The following PCDH1 variants were observed in gnomAD, a reference collection of about 807,000 sequenced individuals.
The protein encoded by PCDH1 is protocadherin-1.
In PCDH1, 23 loss-of-function variants were observed where a neutral mutation model predicts 74.6. The ratio of observed to expected loss-of-function variants is 0.31; its 90% CI spans 0.22 to 0.44. PCDH1 has a LOEUF of 0.44. Among genes scored for constraint, PCDH1 ranks in the 20% least tolerant of loss-of-function variants. The pLI is 1.00. For synonymous variants in PCDH1, 647 were observed against 686.1 expected (o/e 0.94, Z 0.89); for missense variants, 1,214 against 1,641.4 (o/e 0.74, Z 4.50).
intron 1 of PCDH1, among the ~76,000 whole-genome samples, chr5:141,877,588 C>T (rs1240432342): frequency 6.6e-6 from 1 of 152,166 alleles, no homozygotes; most frequent in Admixed American, 6.5e-5. Flanking sequence ...TGTTATTGCT[C>T]TGTAAAGCCA....
Position 141,869,364 on chromosome 5 carries a change from C to A in PCDH1, c.108G>T (p.Arg36=). Residue 36 remains arginine, a synonymous_variant, in exon 2 of 5, where the codon CGG becomes CGT. Coordinates refer to ENST00000287008, the MANE Select transcript of PCDH1 (RefSeq NM_032420.5). This position sits in a 1 kb window ranked among gnomAD's most constrained non-coding sequence, Gnocchi z 4.9. ...CTAGCAGCATGGAGGGCAGCAGTAG[C>A]CGTTGCCCCCCAGGGCCTGGGCTGT... The part of the protein sequence containing the change: ...LRHSPGPGGQ[R]LLLPSMLLAL... 2.5e-6 allele frequency: 4 copies of A among 1,596,584 alleles called. No individual in the cohort carries two copies. The highest frequency in any genetic ancestry group is 3.4e-6 in the Non-Finnish European group (4 of 1,175,068).
At position 141,853,972 on chromosome 5, in the gene PCDH1, G is replaced by T; in HGVS notation, c.*70C>A. 1 of 1,351,042 alleles carries T rather than the reference G, an allele frequency of 7.4e-7. No homozygotes were observed. The highest frequency in any genetic ancestry group is 9.9e-7 in the Non-Finnish European group (1 of 1,010,764). The allele number at this position is 1,351,042 out of a possible 1,614,324, so 83.7% of individuals were successfully genotyped here. ...TCCACGCTGAAGGGGTGGAGAGTGAGGCCCTGGAATGGGCCATTTGGGAGC... is the reference window on the plus strand; with the variant it reads ...TCCACGCTGAAGGGGTGGAGAGTGATGCCCTGGAATGGGCCATTTGGGAGC... On this transcript the variant is annotated 3_prime_UTR_variant, in exon 5 of 5. Coordinates refer to ENST00000287008, the MANE Select transcript of PCDH1 (RefSeq NM_032420.5).
Position 141,857,271 on chromosome 5 carries a change from C to T in PCDH1, c.3300G>A (p.Glu1100=). 1 of 1,588,826 alleles carries T rather than the reference C, an allele frequency of 6.3e-7. No homozygotes were observed. The change falls in exon 4 of 5, where the codon GAG becomes GAA. Residue 1100 remains glutamate, a synonymous_variant. Transcript: ENST00000287008. The part of the protein sequence containing the change: ...ERTTPDGSIG[E]MEHPENDLRP... ...CCTCACCATTCTCGGGGTGCTCCAT[C>T]TCTCCTATGCTGCCATCAGGGGTGG...
chr5:141,870,433 T>A (rs1221178944), intron 1 of PCDH1, among the ~76,000 whole-genome samples: 1 of 152,190 alleles, frequency 6.6e-6, no homozygotes, highest in East Asian at 1.9e-4. Context: ...GGAATTGGCA[T>A]TGGGAGCTGC....
At chr5:141,857,154 T>C in intron 4 of PCDH1, 98 bp downstream of exon 4, 1 of 997,150 alleles carries the variant, frequency 1.0e-6, no homozygotes. Context: ...ACTGAGCACA[T>C]AATAACTCAA....
Position 141,864,617 on chromosome 5 carries a change from G to T in PCDH1, c.1714C>A (p.Arg572=). ...AACTCATAGCTCTCCCGCTGTTCCC[G>T]ATCCAGAGATGTCTTCACCTGGATC... ...GEIQVKTSLD[R]EQRESYELKV... is the part of the protein sequence containing the mutation. Residue 572 remains arginine, a synonymous_variant, in exon 3 of 5, where the codon CGG becomes AGG. Coordinates refer to ENST00000287008, the MANE Select transcript of PCDH1 (RefSeq NM_032420.5). This position sits in a 1 kb window ranked among gnomAD's most constrained non-coding sequence, Gnocchi z 5.9. 6.2e-7 allele frequency: 1 copy of T among 1,613,454 alleles called. No homozygotes were observed. Among genetic ancestry groups the T allele is most frequent in the Non-Finnish European group, 8.5e-7 (1 of 1,180,028 alleles).
At chr5:141,874,243 G>A (rs1272768844) in intron 1 of PCDH1, among the ~76,000 whole-genome samples, 1 of 152,194 alleles carries the variant, frequency 6.6e-6, no homozygotes, top group Non-Finnish European at 1.5e-5. Flanking sequence ...GAGCCAGGGT[G>A]GCCTGGAAGG....
chr5:141,877,271 G>T (rs1411632458), intron 1 of PCDH1, among the ~76,000 whole-genome samples: 7 of 152,222 alleles, frequency 4.6e-5, no homozygotes, highest in African/African-American at 1.7e-4. Context: ...TTCTGTGTTT[G>T]TGACCGTGAG....
intron 1 of PCDH1, among the ~76,000 whole-genome samples, chr5:141,870,051 A>C (rs2126829043): frequency 6.6e-6 from 1 of 152,332 alleles, no homozygotes; most frequent in East Asian, 1.9e-4. Flanking sequence ...TGAGATGCCA[A>C]GTCAGTGCAT....
In PCDH1 at chr5:141,854,197, G is replaced by T; in HGVS notation, c.3559C>A (p.Leu1187Ile). 1.9e-6 allele frequency: 3 copies of T among 1,610,184 alleles called. No individual in the cohort carries two copies. Among genetic ancestry groups the T allele is most frequent in the African/African-American group, 2.7e-5 (2 of 74,968 alleles). Reference protein sequence around the residue: ...DRNTKTAPVRLLPSYSAFSHS... With the variant: ...DRNTKTAPVRILPSYSAFSHS... The stretch of plus-strand genomic sequence containing the variant: ...GAGAAGGCACTGTAGGAGGGCAGGA[G>T]GCGCACGGGGGCCGTTTTGGTGTTC... The change falls in exon 5 of 5, where the codon CTC (leucine) becomes ATC (isoleucine). Residue 1187 changes from leucine (L) to isoleucine (I), a missense_variant. This residue lies in a region of PCDH1 where 194 missense variants were observed against 198.3 expected (regional missense o/e 0.98). Transcript: ENST00000287008.
At chr5:141,872,618 A>G (rs1273785251) in intron 1 of PCDH1, among the ~76,000 whole-genome samples, 1 of 152,120 alleles carries the variant, frequency 6.6e-6, no homozygotes, top group African/African-American at 2.4e-5. Flanking sequence ...GGCTTCCTCC[A>G]TCTCACAGTC....
At chr5:141,854,572 G>GCA in intron 4 of PCDH1, 136 bp from the exon 5 acceptor site, 1 of 841,950 alleles carries the variant, frequency 1.2e-6, no homozygotes, top group Non-Finnish European at 1.8e-6. Flanking sequence ...GAACTCACAG[G>GCA]CACACACACC....
chr5:141,854,454 G>T lies in PCDH1; in HGVS notation c.3320-18C>A. ...GCGAAGGTCTGTAGGAGGGAGCGGG[G>T]AAGGACAATTGTCAGACATACAGCC... On this transcript the variant is annotated intron_variant, in intron 4 of 4. Transcript: ENST00000287008. 6.3e-7 allele frequency: 1 copy of T among 1,581,684 alleles called. No homozygotes were observed. The highest frequency in any genetic ancestry group is 1.2e-5 in the South Asian group (1 of 85,168).
intron 1 of PCDH1, among the ~76,000 whole-genome samples, chr5:141,870,014 G>T (rs1753048474): frequency 2.0e-5 from 3 of 152,140 alleles, no homozygotes; most frequent in African/African-American, 7.2e-5. Flanking sequence ...GGAGGGAGAG[G>T]GGATGATGTC....
At chr5:141,855,987 A>G (rs1752321592) in intron 4 of PCDH1, among the ~76,000 whole-genome samples, 1 of 148,540 alleles carries the variant, frequency 6.7e-6, no homozygotes, top group Admixed American at 6.7e-5. Flanking sequence ...ATGGCTAAGC[A>G]ACACTGCCTG....
In PCDH1 at chr5:141,868,109, C is replaced by T. The variant is rs1227063636; in HGVS notation, c.903+460G>A. 6.6e-6 allele frequency among the ~76,000 whole-genome samples: 1 copy of T among 152,222 alleles called. No individual in the cohort carries two copies. Among genetic ancestry groups the T allele is most frequent in the African/African-American group, 2.4e-5 (1 of 41,464 alleles). ...CTCATCTGACTTTGTCAGGAAGAGG[C>T]AAAATGAGGCTATATCCTCCAGCTT... On this transcript the variant is annotated intron_variant, in intron 2 of 4. Coordinates refer to ENST00000287008, the MANE Select transcript of PCDH1 (RefSeq NM_032420.5). The surrounding 1 kb of genome is among the most constrained non-coding windows in gnomAD (Gnocchi z 4.8).
In PCDH1 at chr5:141,868,583, G is replaced by A. The variant is rs1317328857; in HGVS notation, c.889C>T (p.His297Tyr). The A allele has an allele frequency of 6.5e-7, 1 of 1,535,922 alleles. No homozygotes were observed. The highest frequency in any genetic ancestry group is 2.3e-5 in the East Asian group (1 of 44,262). Residue 297 changes from histidine (H) to tyrosine (Y), a missense_variant, in exon 2 of 5, where the codon CAC becomes TAC. His to Tyr is a moderately conservative substitution (Grantham distance 83). This residue lies in a region of PCDH1 where 836 missense variants were observed against 1,182.2 expected (regional missense o/e 0.71). Transcript: ENST00000287008. The surrounding 1 kb of genome is among the most constrained non-coding windows in gnomAD (Gnocchi z 4.8). ...AELSENSPIG[H>Y]SVIQVKANDS... ...GGGCCTCTCACCTGGATGACCGAGT[G>A]GCCTATGGGGCTATTCTCAGATAGT...
rs772223335 is a variant in PCDH1 at position 141,864,799 on chromosome 5, G to C, written c.1532C>G (p.Thr511Ser). Residue 511 changes from threonine to serine, a missense_variant, in exon 3 of 5, where the codon ACT (threonine) becomes AGT (serine). Thr to Ser is a moderately conservative substitution (Grantham distance 58). Transcript: ENST00000287008. The surrounding 1 kb of genome is among the most constrained non-coding windows in gnomAD (Gnocchi z 5.9). The part of the protein sequence containing the change: ...DNAPVFTQSV[T>S]EVAFPENNKP... ...GTTGTTTTCCGGGAAGGCGACCTCA[G>C]TGACACTCTGAGTGAAGACAGGTGC... 1 of 1,614,134 alleles carries C rather than the reference G, an allele frequency of 6.2e-7. No homozygotes were observed. Among genetic ancestry groups the C allele is most frequent in the South Asian group, 1.1e-5 (1 of 91,080 alleles).
chr5:141,857,147 G>A (rs1752380765), intron 4 of PCDH1, 105 bp downstream of exon 4: 3 of 903,844 alleles, frequency 3.3e-6, no homozygotes, highest in Non-Finnish European at 3.2e-6. Context: ...GATGATGACT[G>A]AGCACATAAT....
Sources: allele counts gnomAD v4.1 joint callset (sites outside exome capture counted in the v4.1 genomes callset), GRCh38; gene constraint gnomAD v4.1.1; regional missense constraint gnomAD v4.1.1; non-coding constraint Gnocchi (gnomAD v3.1); transcripts MANE v1.5; gene names NCBI Gene and HGNC (gene_info 2026-07-23, HGNC 2026-07-21).